The following MAGI3 variants were observed in gnomAD, a reference collection of about 807,000 sequenced individuals.
MAGI3 encodes the protein membrane-associated guanylate kinase, WW and PDZ domain-containing protein 3.
A neutral mutation model predicts 121.8 loss-of-function variants in MAGI3; 43 were observed. The ratio of observed to expected loss-of-function variants is 0.35; its 90% CI spans 0.28 to 0.46. The LOEUF (loss-of-function observed/expected upper bound fraction) is 0.46. Ranked by LOEUF, MAGI3 falls within the 20% of genes least tolerant of loss-of-function variation. MAGI3 has a pLI of 1.00. For missense variants in MAGI3, 1,547 were observed against 1,797.3 expected, an observed-to-expected ratio of 0.86 and a Z score of 2.52; for synonymous variants, 553 against 639.3, an observed-to-expected ratio of 0.86 and a Z score of 2.04.
At chr1:113,434,600 C>T (rs954160451) in intron 1 of MAGI3, among the ~76,000 whole-genome samples, 2 of 152,182 alleles carry the variant, frequency 1.3e-5, no homozygotes, top group African/African-American at 4.8e-5. Context: ...AGAGAATCTC[C>T]TCTGTCCTCT....
At position 113,416,824 on chromosome 1, in the gene MAGI3, G is replaced by A. The variant is rs148001823; in HGVS notation, c.316+25475G>A. 5.1e-4 allele frequency among the ~76,000 whole-genome samples: 77 copies of A among 151,906 alleles called. No individual in the cohort carries two copies. The East Asian group carries it at 0.01, about 21-fold the overall frequency. ...TTATTTCTCAAATTCAGAATGGAAT[G>A]CTTAGAGTTCTATTCAAATAAAAAC... is the stretch of plus-strand genomic sequence containing the variant. On this transcript the variant is annotated intron_variant, in intron 1 of 20. Transcript: ENST00000307546.
intron 1 of MAGI3, among the ~76,000 whole-genome samples, chr1:113,442,965 T>A (rs888415617): frequency 3.3e-5 from 5 of 152,190 alleles, no homozygotes; most frequent in African/African-American, 1.2e-4. Context: ...CATCTTGTAT[T>A]ATATTGTAAA....
intron 1 of MAGI3, among the ~76,000 whole-genome samples, chr1:113,473,339 C>T (rs1006006301): frequency 1.8e-4 from 28 of 152,032 alleles, no homozygotes; most frequent in African/African-American, 6.3e-4. Context: ...TATACATGTG[C>T]CATGTTGGTT....
chr1:113,446,331 T>C (rs1317642563), intron 1 of MAGI3, among the ~76,000 whole-genome samples: 2 of 152,168 alleles, frequency 1.3e-5, no homozygotes, highest in African/African-American at 2.4e-5. Context: ...GTTTTAACTT[T>C]AGCATGTTAA....
At position 113,420,807 on chromosome 1, in the gene MAGI3, G is replaced by T. The variant is rs1652696145; in HGVS notation, c.316+29458G>T. Among the ~76,000 whole-genome samples, 3 of 152,246 alleles carry T rather than the reference G, an allele frequency of 2.0e-5. No individual in the cohort carries two copies. In the South Asian group the frequency reaches 6.2e-4, roughly 32 times the overall value. On this transcript the variant is annotated intron_variant, in intron 1 of 20. Transcript: ENST00000307546. ...AGATCTAGTTAGTAGTTCACTTTCA[G>T]GTAGACTCAAAAAGCTTTTCTGTAT...
intron 2 of MAGI3, among the ~76,000 whole-genome samples, chr1:113,564,913 G>T (rs942712014): frequency 6.6e-6 from 1 of 151,726 alleles, no homozygotes. Flanking sequence ...ACAGTGGCAC[G>T]ATCTCAGCTC....
At chr1:113,444,674 C>A (rs886065245) in intron 1 of MAGI3, among the ~76,000 whole-genome samples, 12 of 152,120 alleles carry the variant, frequency 7.9e-5, no homozygotes, top group African/African-American at 2.9e-4. Flanking sequence ...TTATTAGATT[C>A]TAGTTTTCAA....
At chr1:113,659,024 C>A in intron 15 of MAGI3, 56 bp from the exon 16 acceptor site, 2 of 1,354,616 alleles carry the variant, frequency 1.5e-6, no homozygotes, top group Non-Finnish European at 2.0e-6. Flanking sequence ...GATTATAAAT[C>A]TAACACTAGC....
intron 6 of MAGI3, among the ~76,000 whole-genome samples, chr1:113,605,935 T>G (rs1557848682): frequency 1.3e-5 from 2 of 151,350 alleles, no homozygotes; most frequent in Non-Finnish European, 2.9e-5. Flanking sequence ...ACTTAAGAGT[T>G]GTGCATTTTA....
chr1:113,462,877 A>G (rs1027554259), intron 1 of MAGI3, among the ~76,000 whole-genome samples: 10 of 152,158 alleles, frequency 6.6e-5, no homozygotes, highest in African/African-American at 2.2e-4. Context: ...AATTTTCAGG[A>G]TGATGGATTA....
intron 1 of MAGI3, among the ~76,000 whole-genome samples, chr1:113,454,828 G>A (rs963627452): frequency 6.6e-6 from 1 of 152,106 alleles, no homozygotes; most frequent in Non-Finnish European, 1.5e-5. Flanking sequence ...AGTGCCTGGT[G>A]TATAGTAAAT....
In MAGI3 at chr1:113,439,739, G is replaced by A. The variant is rs115181439; in HGVS notation, c.316+48390G>A. Among the ~76,000 whole-genome samples the A allele has an allele frequency of 6.7e-3, 1,022 of 152,248 alleles. 16 individuals are homozygous for A. Among genetic ancestry groups the A allele is most frequent in the African/African-American group, 0.023 (960 of 41,548 alleles). ...TAATTGTGTTGTTTTAGACACAATG[G>A]AATAAATTCAATTGCCACAATAAAT... On this transcript the variant is annotated intron_variant, in intron 1 of 20. Coordinates refer to ENST00000307546, the MANE Select transcript of MAGI3 (RefSeq NM_001142782.2).
Position 113,391,417 on chromosome 1 carries a change from G to A in MAGI3, c.316+68G>A. On this transcript the variant is annotated intron_variant, in intron 1 of 20. Coordinates refer to ENST00000307546, the MANE Select transcript of MAGI3 (RefSeq NM_001142782.2). This position sits in a 1 kb window ranked among gnomAD's most constrained non-coding sequence, Gnocchi z 4.4. ...GGGCTTCAGGGTGGGCGTCCTGGGA[G>A]CGGCGGCACCTCCCCACCGCGTATT... 1 of 1,512,504 alleles carries A rather than the reference G, an allele frequency of 6.6e-7. No individual in the cohort carries two copies. The highest frequency in any genetic ancestry group is 9.0e-7 in the Non-Finnish European group (1 of 1,115,824). 93.7% of individuals were successfully genotyped at this position (1,512,504 alleles called of 1,614,324 possible).
At chr1:113,512,427 C>T (rs554016431) in intron 1 of MAGI3, among the ~76,000 whole-genome samples, 18 of 152,308 alleles carry the variant, frequency 1.2e-4, no homozygotes, top group African/African-American at 4.1e-4. Flanking sequence ...CTAGTCACTA[C>T]AAAACCATCT....
intron 2 of MAGI3, among the ~76,000 whole-genome samples, chr1:113,569,488 T>C (rs1660567569): frequency 6.6e-6 from 1 of 152,208 alleles, no homozygotes; most frequent in Admixed American, 6.5e-5. Flanking sequence ...GACCATTATT[T>C]ATTTTGTTAG....
chr1:113,623,632 C>T (rs1052884712), intron 9 of MAGI3, among the ~76,000 whole-genome samples: 6 of 151,858 alleles, frequency 4.0e-5, no homozygotes, highest in South Asian at 2.1e-4. Context: ...GGACTACAGG[C>T]GCCCGCCACC....
At chr1:113,552,375 A>G (rs1170443354) in intron 2 of MAGI3, among the ~76,000 whole-genome samples, 1 of 152,186 alleles carries the variant, frequency 6.6e-6, no homozygotes, top group Non-Finnish European at 1.5e-5. Flanking sequence ...TCTTAAATAT[A>G]TTAGTCAACT....
rs1333530516 is a variant in MAGI3, at chr1:113,590,640, G to C, written c.920G>C (p.Gly307Ala). 1 of 1,613,328 alleles carries C rather than the reference G, an allele frequency of 6.2e-7. No individual in the cohort carries two copies. The highest frequency in any genetic ancestry group is 8.5e-7 in the Non-Finnish European group (1 of 1,179,578). The change falls in exon 5 of 21, where the codon GGG becomes GCG. Residue 307 changes from glycine (G) to alanine (A), a missense_variant. By Grantham distance (60) the Gly-to-Ala change is moderately conservative. Transcript: ENST00000307546. ...KNWEMAYTDT[G>A]MIYFIDHNTK... Reference sequence around the variant, plus strand: ...TGGGAAATGGCCTACACTGACACAGGGATGATCTACTTCATTGAGTAAGCA... The same window carrying C: ...TGGGAAATGGCCTACACTGACACAGCGATGATCTACTTCATTGAGTAAGCA...
chr1:113,548,903 C>G (rs993541295), intron 1 of MAGI3, among the ~76,000 whole-genome samples: 9 of 151,980 alleles, frequency 5.9e-5, no homozygotes, highest in Non-Finnish European at 1.2e-4. Flanking sequence ...GAAGTAGAAC[C>G]GACAAAAGTT....
Sources: gnomAD v4.1 joint callset for allele counts (sites outside exome capture counted in the v4.1 genomes callset) on GRCh38, gnomAD v4.1.1 for gene constraint, Gnocchi (gnomAD v3.1) non-coding constraint, MANE v1.5 for transcripts, NCBI Gene and HGNC (gene_info 2026-07-23, HGNC 2026-07-21) for gene names.